OR51B5: variants seen among roughly 807,000 people sequenced by gnomAD.
The protein encoded by OR51B5 is olfactory receptor 51B5.
For synonymous variants in OR51B5, 186 were observed against 144.8 expected, an observed-to-expected ratio of 1.28 and a Z score of -2.04; for missense variants, 456 against 374.6, an observed-to-expected ratio of 1.22 and a Z score of -1.79.
intron 1 of OR51B5, chr11:5,390,400 C>T (rs760452780): frequency 1.9e-6 from 3 of 1,542,212 alleles, no homozygotes; most frequent in Admixed American, 4.0e-5. Flanking sequence ...TAAAACTCCC[C>T]CTAGAGGCCT....
intron 1 of OR51B5, among the ~76,000 whole-genome samples, chr11:5,414,073 A>C (rs1175500222): frequency 2.0e-5 from 3 of 151,898 alleles, no homozygotes; most frequent in Non-Finnish European, 4.4e-5. Context: ...CATCAAACTA[A>C]CAGCAGCTCT....
At chr11:5,342,915 T>A in exon 1 of OR51B5, 4 of 1,613,732 alleles carry the variant, frequency 2.5e-6, no homozygotes, top group Non-Finnish European at 2.5e-6. Context: ...AGCACAAATA[T>A]AAAGACTACA....
At chr11:5,464,451 C>T (rs1361855286) in intron 1 of OR51B5, among the ~76,000 whole-genome samples, 1 of 146,634 alleles carries the variant, frequency 6.8e-6, no homozygotes, top group Non-Finnish European at 1.5e-5. Context: ...CCCACCCCAC[C>T]ATAGTCCCCA....
intron 1 of OR51B5, among the ~76,000 whole-genome samples, chr11:5,404,152 G>A (rs866682018): frequency 1.9e-4 from 26 of 138,668 alleles, no homozygotes; most frequent in East Asian, 7.2e-4. Flanking sequence ...GGTCGGGGGC[G>A]GGGGGAGGGG....
intron 1 of OR51B5, among the ~76,000 whole-genome samples, chr11:5,445,490 A>C (rs1019592444): frequency 4.6e-5 from 7 of 151,998 alleles, no homozygotes; most frequent in Middle Eastern, 3.2e-3. Context: ...CACCAACCAA[A>C]CAGATAAAAA....
At chr11:5,373,277 T>A (rs975906017) in intron 1 of OR51B5, among the ~76,000 whole-genome samples, 3 of 152,172 alleles carry the variant, frequency 2.0e-5, no homozygotes, top group Admixed American at 6.5e-5. Flanking sequence ...TTGTCTTGAT[T>A]TGAAGAAAAT....
At chr11:5,359,693 C>T (rs2133696299) in intron 1 of OR51B5, among the ~76,000 whole-genome samples, 2 of 150,786 alleles carry the variant, frequency 1.3e-5, no homozygotes, top group African/African-American at 4.9e-5. Flanking sequence ...CATGCCAATC[C>T]TAAGCCAAAA....
chr11:5,450,850 G>A (rs749568970), intron 1 of OR51B5, among the ~76,000 whole-genome samples: 18 of 152,126 alleles, frequency 1.2e-4, no homozygotes, highest in Non-Finnish European at 2.2e-4. Context: ...TTAATTTGCT[G>A]AGGATGATGG....
chr11:5,348,723 G>A (rs1849031573), intron 1 of OR51B5, among the ~76,000 whole-genome samples: 1 of 152,048 alleles, frequency 6.6e-6, no homozygotes, highest in Non-Finnish European at 1.5e-5. Context: ...CCCAGACGGA[G>A]GGTGGGTGGG....
chr11:5,368,131 C>G (rs1849399271), intron 1 of OR51B5, among the ~76,000 whole-genome samples: 1 of 152,194 alleles, frequency 6.6e-6, no homozygotes, highest in African/African-American at 2.4e-5. Context: ...AGATTTGTTG[C>G]ATCTTCAACC....
At chr11:5,504,125 A>T (rs919861) in intron 1 of OR51B5, among the ~76,000 whole-genome samples, 46,182 of 152,070 alleles carry the variant, frequency 0.3, 7,621 homozygotes, top group Non-Finnish European at 0.37. Flanking sequence ...AATACAAGTA[A>T]TGAAGCCCTA....
At chr11:5,363,871 C>G (rs933460442) in intron 1 of OR51B5, among the ~76,000 whole-genome samples, 1 of 152,180 alleles carries the variant, frequency 6.6e-6, no homozygotes, top group African/African-American at 2.4e-5. Flanking sequence ...TGTCTTCTCT[C>G]TTTGCAAACC....
chr11:5,477,204 G>T (rs1851322137), intron 1 of OR51B5, among the ~76,000 whole-genome samples: 1 of 152,228 alleles, frequency 6.6e-6, no homozygotes, highest in African/African-American at 2.4e-5. Context: ...CAGGGGAGAT[G>T]AGTCTCTTGG....
At position 5,417,047 on chromosome 11, in the gene OR51B5, A is replaced by C. The variant is rs200801517; in HGVS notation, n.85-70137T>G. On this transcript the variant is annotated intron_variant and non_coding_transcript_variant, in intron 1 of 4. Coordinates refer to the OR51B5 transcript ENST00000415970. ...AAACTATACTACAAGGCTACAGTAA[A>C]CAAAACAGCATGGTACTGGTACCAA... 0.028 allele frequency among the ~76,000 whole-genome samples: 4,078 copies of C among 147,850 alleles called. 233 individuals carry two copies. In the East Asian group the frequency reaches 0.31, roughly 11 times the overall value.
chr11:5,349,583 A>G (rs139390545), intron 1 of OR51B5, among the ~76,000 whole-genome samples: 393 of 152,320 alleles, frequency 2.6e-3, no homozygotes, highest in African/African-American at 9.1e-3. Context: ...ATGTGAGGTG[A>G]TAGATATATT....
chr11:5,375,013 C>T (rs1456506322), intron 1 of OR51B5, among the ~76,000 whole-genome samples: 1 of 151,514 alleles, frequency 6.6e-6, no homozygotes, highest in Non-Finnish European at 1.5e-5. Flanking sequence ...AGAAGAGCAA[C>T]TCCAAGACAC....
chr11:5,355,883 T>TGGAA (rs1849186470), intron 1 of OR51B5, among the ~76,000 whole-genome samples: 1 of 152,192 alleles, frequency 6.6e-6, no homozygotes, highest in Non-Finnish European at 1.5e-5. Context: ...GACAAGGTCC[T>TGGAA]GGAAGTTCTT....
At chr11:5,404,487 A>C (rs1483389895) in intron 1 of OR51B5, among the ~76,000 whole-genome samples, 1 of 151,568 alleles carries the variant, frequency 6.6e-6, no homozygotes, top group Non-Finnish European at 1.5e-5. Flanking sequence ...CCCACCGATC[A>C]GCACTCTGTA....
At chr11:5,436,033 A>G (rs1252730168) in intron 1 of OR51B5, among the ~76,000 whole-genome samples, 3 of 152,220 alleles carry the variant, frequency 2.0e-5, no homozygotes, top group Admixed American at 6.5e-5. Context: ...AAAGATGAAT[A>G]TACTACTTAG....
Sources: gnomAD v4.1 joint callset for allele counts (sites outside exome capture counted in the v4.1 genomes callset) on GRCh38, gnomAD v4.1.1 for gene constraint, MANE v1.5 for transcripts, NCBI Gene and HGNC (gene_info 2026-07-23, HGNC 2026-07-21) for gene names.